The following TFDP1 variants were observed in gnomAD, a reference collection of about 807,000 sequenced individuals.
The protein encoded by TFDP1 is transcription factor Dp-1.
Under a neutral mutation model 48.0 loss-of-function variants are expected in TFDP1, and 6 were observed. The ratio of observed to expected loss-of-function variants is 0.13; its 90% confidence interval spans 0.07 to 0.25. The LOEUF (loss-of-function observed/expected upper bound fraction) is 0.25, where lower values mean the gene tolerates loss of function less well. TFDP1 is among the 10% of genes least tolerant of loss of function. TFDP1 has a pLI of 1.00. For missense variants in TFDP1, 335 were observed against 543.0 expected (o/e 0.62, Z 3.81); for synonymous variants, 201 against 211.6 (o/e 0.95, Z 0.44).
rs140024363 is a variant in TFDP1 at position 113,640,531 on chromosome 13, T to G, written c.*264T>G. ...TGTGTTTTCATTTGCTATTTTTCTT[T>G]AAGTGCAGAGTTCATTTTTGCCCCT... On this transcript the variant is annotated 3_prime_UTR_variant, in exon 12 of 12. Transcript: ENST00000375370. 780 of 405,532 alleles carry G rather than the reference T, an allele frequency of 1.9e-3. 1 individual carries two copies. Among genetic ancestry groups the G allele is most frequent in the Non-Finnish European group, 2.1e-3 (504 of 245,008 alleles). 25.1% of individuals were successfully genotyped at this position (405,532 alleles called of 1,614,324 possible).
intron 2 of TFDP1, among the ~76,000 whole-genome samples, chr13:113,592,441 G>A (rs1407065105): frequency 6.6e-6 from 1 of 152,266 alleles, no homozygotes; most frequent in East Asian, 1.9e-4. Flanking sequence ...CCAGGCGTGA[G>A]CCACCGCGCC....
At chr13:113,637,920 A>G in intron 11 of TFDP1, 24 bp downstream of exon 11, 2 of 1,609,686 alleles carry the variant, frequency 1.2e-6, no homozygotes, top group Non-Finnish European at 1.7e-6. Flanking sequence ...AGGGTGTGGG[A>G]GAGGCGTCAT....
chr13:113,603,565 C>G (rs954094567), intron 2 of TFDP1, among the ~76,000 whole-genome samples: 3 of 152,180 alleles, frequency 2.0e-5, no homozygotes, highest in African/African-American at 7.2e-5. Flanking sequence ...TCAATTGATT[C>G]AGCTTTTTCT....
rs775995354 is a variant in TFDP1 at position 113,606,349 on chromosome 13, C to T, written c.13-4647C>T. On this transcript the variant is annotated intron_variant, in intron 2 of 11. Transcript: ENST00000375370. ...CAACAGGAATCCACCGCTCACAGCTCGGGAGCCTGGGAGTCCACCATCAAG... is the reference window on the plus strand; with the variant it reads ...CAACAGGAATCCACCGCTCACAGCTTGGGAGCCTGGGAGTCCACCATCAAG... Among the ~76,000 whole-genome samples the T allele has an allele frequency of 2.2e-4, 33 of 152,146 alleles. 1 individual carries two copies. The highest frequency in any genetic ancestry group is 4.1e-4 in the Non-Finnish European group (28 of 68,024).
rs1046904664 is a variant in TFDP1, at chr13:113,633,546, G to C, written c.474+261G>C. ...AGAAAATGCCAAGTACAGCATAAAA[G>C]AATTTTTCCGATCCATTTGCTGGCA... On this transcript the variant is annotated intron_variant, in intron 6 of 11. Coordinates refer to ENST00000375370, the MANE Select transcript of TFDP1 (RefSeq NM_007111.5). The surrounding 1 kb of genome is among the most constrained non-coding windows in gnomAD (Gnocchi z 4.5). Among the ~76,000 whole-genome samples, 5 of 152,200 alleles carry C rather than the reference G, an allele frequency of 3.3e-5. No individual in the cohort carries two copies. Among genetic ancestry groups the C allele is most frequent in the Non-Finnish European group, 7.3e-5 (5 of 68,040 alleles).
chr13:113,614,587 A>T (rs1594473271), intron 3 of TFDP1, among the ~76,000 whole-genome samples: 1 of 152,064 alleles, frequency 6.6e-6, no homozygotes, highest in Admixed American at 6.5e-5. Context: ...GGTAGAGGGG[A>T]CCAGCCCAGC....
intron 4 of TFDP1, among the ~76,000 whole-genome samples, chr13:113,630,495 G>T (rs1444951116): frequency 2.0e-5 from 3 of 152,128 alleles, no homozygotes; most frequent in Non-Finnish European, 4.4e-5. Flanking sequence ...AGCTGGGGGG[G>T]CCCAGCTTAG....
chr13:113,634,051 C>G lies in TFDP1; in HGVS notation c.618+18C>G, dbSNP rs778828294. 5 of 1,614,136 alleles carry G rather than the reference C, an allele frequency of 3.1e-6. No homozygotes were observed. The East Asian group carries it at 8.9e-5, about 29-fold the overall frequency. On this transcript the variant is annotated intron_variant, in intron 7 of 11. Coordinates refer to ENST00000375370, the MANE Select transcript of TFDP1 (RefSeq NM_007111.5). ...ACTTAGAGGTGCCCCTTCAGCCTTCCTTCAACCTTGATTTCCCTTCAAGTC... is the reference window on the plus strand; with the variant it reads ...ACTTAGAGGTGCCCCTTCAGCCTTCGTTCAACCTTGATTTCCCTTCAAGTC...
In TFDP1 at chr13:113,628,715, T is replaced by C. The variant is rs966142284; in HGVS notation, c.187-2908T>C. Among the ~76,000 whole-genome samples the C allele has an allele frequency of 4.6e-5, 7 of 152,296 alleles. No individual in the cohort carries two copies. The South Asian group carries it at 1.4e-3, about 32-fold the overall frequency. ...CACTGCTTCCAATACCTCCTTTTTT[T>C]CCCTAGGGGCCCAGCTCTGAACTAT... On this transcript the variant is annotated intron_variant, in intron 4 of 11. Transcript: ENST00000375370.
At chr13:113,622,042 C>CCT (rs149442506) in intron 3 of TFDP1, among the ~76,000 whole-genome samples, 4 of 151,820 alleles carry the variant, frequency 2.6e-5, no homozygotes, top group African/African-American at 4.8e-5. Context: ...CTCTTTGCCT[C>CCT]CTCTCTCTCT....
intron 2 of TFDP1, among the ~76,000 whole-genome samples, chr13:113,600,876 A>G (rs2048406751): frequency 6.8e-6 from 1 of 147,798 alleles, no homozygotes; most frequent in African/African-American, 2.6e-5. Context: ...CAGGACTGCA[A>G]GAGAGAACCC....
intron 3 of TFDP1, among the ~76,000 whole-genome samples, chr13:113,613,044 TCTCA>T (rs949246917): frequency 6.6e-6 from 1 of 151,766 alleles, no homozygotes; most frequent in Non-Finnish European, 1.5e-5. Flanking sequence ...GGAGATGGAG[TCTCA>T]CTCTGTCGCC....
At chr13:113,629,219 C>T (rs1179611524) in intron 4 of TFDP1, among the ~76,000 whole-genome samples, 2 of 152,226 alleles carry the variant, frequency 1.3e-5, no homozygotes, top group Admixed American at 6.5e-5. Flanking sequence ...CCGGATGCCG[C>T]GGGGCCTTCC....
Position 113,641,425 on chromosome 13 carries a change from TG to T in TFDP1, c.*1160del. The T allele has an allele frequency of 6.6e-6, 1 of 152,366 alleles. No individual in the cohort carries two copies. The highest frequency in any genetic ancestry group is 2.4e-5 in the African/African-American group (1 of 41,598). The allele number at this position is 152,366 out of a possible 1,614,324, so 9.4% of individuals were successfully genotyped here. On this transcript the variant is annotated 3_prime_UTR_variant, in exon 12 of 12. Coordinates refer to ENST00000375370, the MANE Select transcript of TFDP1 (RefSeq NM_007111.5). ...CTTTAATTGTTTGACTTGTTTAACT[TG>T]GCACTGTTAGTTTTTATTAATAAAA...
chr13:113,614,570 A>G (rs1474184934), intron 3 of TFDP1, among the ~76,000 whole-genome samples: 1 of 152,204 alleles, frequency 6.6e-6, no homozygotes, highest in Non-Finnish European at 1.5e-5. Context: ...AGAGTGGATC[A>G]GGGGAAGGTA....
At chr13:113,625,421 T>C (rs367649099) in intron 4 of TFDP1, among the ~76,000 whole-genome samples, 14 of 107,230 alleles carry the variant, frequency 1.3e-4, no homozygotes, top group Admixed American at 2.8e-4. Context: ...GTCTCTCACG[T>C]GTCCTCAGGT....
Position 113,610,986 on chromosome 13 carries a change from C to T in TFDP1, c.13-10C>T. 1 of 1,613,360 alleles carries T rather than the reference C, an allele frequency of 6.2e-7. No individual in the cohort carries two copies. Among genetic ancestry groups the T allele is most frequent in the Non-Finnish European group, 8.5e-7 (1 of 1,179,688 alleles). ...TGTCATATTTATTATTGTTTTGTTG[C>T]TTTCCGCAGGCCGGTCTAATTGAAG... On this transcript the variant is annotated splice_polypyrimidine_tract_variant and intron_variant, in intron 2 of 11. Transcript: ENST00000375370.
rs921696780 is a variant in TFDP1 at position 113,638,501 on chromosome 13, G to A, written c.1085+605G>A. On this transcript the variant is annotated intron_variant, in intron 11 of 11. Coordinates refer to ENST00000375370, the MANE Select transcript of TFDP1 (RefSeq NM_007111.5). ...ACAGTGCATGTATTTTTGCGAACGC[G>A]TCTGTGATTATGGTACACGTATTTT... Among the ~76,000 whole-genome samples, 5 of 149,768 alleles carry A rather than the reference G, an allele frequency of 3.3e-5. No individual in the cohort carries two copies. In the South Asian group the frequency reaches 6.4e-4, roughly 19 times the overall value.
intron 7 of TFDP1, 37 bp from the exon 8 acceptor site, chr13:113,634,497 T>C: frequency 1.9e-6 from 3 of 1,587,842 alleles, no homozygotes; most frequent in Non-Finnish European, 2.6e-6. Flanking sequence ...GTGGAACAGT[T>C]GTGATGATTC....
Sources: gnomAD v4.1 joint callset for allele counts (sites outside exome capture counted in the v4.1 genomes callset) on GRCh38, gnomAD v4.1.1 for gene constraint, Gnocchi (gnomAD v3.1) non-coding constraint, MANE v1.5 for transcripts, NCBI Gene and HGNC (gene_info 2026-07-23, HGNC 2026-07-21) for gene names.